The following EXOC6 variants were observed in gnomAD, a reference collection of about 807,000 sequenced individuals.
EXOC6 encodes the protein exocyst complex component 6, also known as SEC15-like 1.
In EXOC6, 60 loss-of-function variants were observed where a neutral mutation model predicts 112.5. That is an observed-to-expected ratio of 0.53 (90% CI 0.43 to 0.66). The LOEUF is 0.66. EXOC6 is among the 30% of genes least tolerant of loss of function. The pLI is 0.00. For synonymous variants in EXOC6, 295 were observed against 308.0 expected (o/e 0.96, Z 0.44); for missense variants, 855 against 957.1 (o/e 0.89, Z 1.41).
intron 18 of EXOC6, among the ~76,000 whole-genome samples, chr10:92,993,814 C>T (rs1189553753): frequency 6.6e-6 from 1 of 152,134 alleles, no homozygotes; most frequent in Non-Finnish European, 1.5e-5. Context: ...TTTATTGTTC[C>T]TGTGATTGGC....
chr10:92,917,766 C>T (rs1483911390), intron 7 of EXOC6, among the ~76,000 whole-genome samples: 11 of 152,248 alleles, frequency 7.2e-5, no homozygotes, highest in Non-Finnish European at 5.9e-5. Context: ...CTCAGATTAT[C>T]TTAGCCTCAA....
At chr10:92,987,758 T>C (rs1232172979) in intron 18 of EXOC6, 1 of 407,022 alleles carries the variant, frequency 2.5e-6, no homozygotes. Context: ...GGCAACATCC[T>C]TGATAAATTT....
Position 93,058,214 on chromosome 10 carries a change from T to C in EXOC6, c.2283-9T>C. On this transcript the variant is annotated splice_polypyrimidine_tract_variant and intron_variant, in intron 21 of 21. Coordinates refer to ENST00000260762, the MANE Select transcript of EXOC6 (RefSeq NM_019053.6). ...TTTACCAAGCTTCTTCATTCACATA[T>C]GTTTCTAGGATGAAGGATACTAGCA... 6.3e-7 allele frequency: 1 copy of C among 1,596,568 alleles called. No individual in the cohort carries two copies. Among genetic ancestry groups the C allele is most frequent in the East Asian group, 2.3e-5 (1 of 44,284 alleles).
At chr10:92,963,253 G>A (rs1168446489) in intron 17 of EXOC6, among the ~76,000 whole-genome samples, 2 of 152,190 alleles carry the variant, frequency 1.3e-5, no homozygotes, top group Non-Finnish European at 2.9e-5. Flanking sequence ...TCTAGAAGCA[G>A]TTAGTGTCAG....
At chr10:93,024,204 T>A (rs1364443282) in intron 20 of EXOC6, among the ~76,000 whole-genome samples, 1 of 152,200 alleles carries the variant, frequency 6.6e-6, no homozygotes, top group Admixed American at 6.5e-5. Flanking sequence ...TGGAGAAGTT[T>A]AGGTAGGTCA....
At chr10:92,978,219 G>T (rs573448690) in intron 18 of EXOC6, among the ~76,000 whole-genome samples, 1 of 152,256 alleles carries the variant, frequency 6.6e-6, no homozygotes, top group South Asian at 2.1e-4. Context: ...AGACTAGTCT[G>T]GGCAACATGG....
At chr10:93,031,497 TTTTTCTTTCTTTC>T (rs1590074821) in intron 20 of EXOC6, among the ~76,000 whole-genome samples, 1 of 127,470 alleles carries the variant, frequency 7.8e-6, no homozygotes, top group East Asian at 5.9e-4. Flanking sequence ...TTTCTTTTCT[TTTTTCTTTCTTTC>T]TTTTTTTTTT....
chr10:92,857,052 T>G (rs2133656520), intron 1 of EXOC6, among the ~76,000 whole-genome samples: 2 of 152,274 alleles, frequency 1.3e-5, no homozygotes, highest in Middle Eastern at 6.8e-3. Context: ...CTTATTTTTA[T>G]CCAATTTGAG....
intron 18 of EXOC6, among the ~76,000 whole-genome samples, chr10:92,989,691 T>C (rs1182666441): frequency 2.0e-5 from 3 of 152,208 alleles, no homozygotes; most frequent in Non-Finnish European, 2.9e-5. Flanking sequence ...TTAAGCTTGC[T>C]AACAGACTTC....
chr10:92,960,211 T>C (rs187825451), intron 17 of EXOC6, among the ~76,000 whole-genome samples: 2 of 152,264 alleles, frequency 1.3e-5, no homozygotes, highest in East Asian at 3.9e-4. Flanking sequence ...GCCATTGATA[T>C]AGAGGAAACT....
chr10:93,028,895 G>T (rs1778771605), intron 20 of EXOC6, among the ~76,000 whole-genome samples: 1 of 151,968 alleles, frequency 6.6e-6, no homozygotes, highest in South Asian at 2.1e-4. Context: ...TAAAGAAGTG[G>T]CAGAATTTGA....
intron 2 of EXOC6, among the ~76,000 whole-genome samples, 175 bp from the exon 3 acceptor site, chr10:92,894,619 G>C (rs1437104470): frequency 6.6e-6 from 1 of 152,132 alleles, no homozygotes; most frequent in African/African-American, 2.4e-5. Context: ...AGTAATTGAA[G>C]TTAACAAAAG....
In EXOC6 at chr10:93,058,474, C is replaced by T; in HGVS notation, c.*119C>T. Reference sequence around the variant, plus strand: ...ATCCAAAAATACAATAGAGAAGATACATGAGGGCTTAAACAAGAAATAGTA... The same window carrying T: ...ATCCAAAAATACAATAGAGAAGATATATGAGGGCTTAAACAAGAAATAGTA... On this transcript the variant is annotated 3_prime_UTR_variant, in exon 22 of 22. Coordinates refer to ENST00000260762, the MANE Select transcript of EXOC6 (RefSeq NM_019053.6). The T allele has an allele frequency of 1.4e-6, 1 of 700,722 alleles. No homozygotes were observed. Among genetic ancestry groups the T allele is most frequent in the East Asian group, 3.2e-5 (1 of 31,362 alleles). The allele number at this position is 700,722 out of a possible 1,614,324, so 43.4% of individuals were successfully genotyped here. A position where few individuals can be genotyped will look rare whatever the true frequency, so the allele number is the denominator to read the frequency against.
In EXOC6 at chr10:93,056,905, T is replaced by C. The variant is rs1846568025; in HGVS notation, c.2170-19T>C. ...TAAATAATCAAAAGTTGATTTAACA[T>C]TTCCCCCATCTTTCGCAGCTCCTTG... On this transcript the variant is annotated intron_variant, in intron 20 of 21. Transcript: ENST00000260762. 7.2e-7 allele frequency: 1 copy of C among 1,385,666 alleles called. No individual in the cohort carries two copies. The highest frequency in any genetic ancestry group is 1.4e-5 in the African/African-American group (1 of 69,846). The allele number at this position is 1,385,666 out of a possible 1,614,324, so 85.8% of individuals were successfully genotyped here.
intron 1 of EXOC6, among the ~76,000 whole-genome samples, chr10:92,874,228 A>G (rs766871959): frequency 3.9e-5 from 6 of 152,242 alleles, no homozygotes; most frequent in Admixed American, 2.0e-4. Flanking sequence ...TCAGTTTTTT[A>G]CTTAGCAGTA....
chr10:92,951,978 C>T (rs1853444603), intron 14 of EXOC6, among the ~76,000 whole-genome samples: 1 of 152,178 alleles, frequency 6.6e-6, no homozygotes, highest in Admixed American at 6.5e-5. Flanking sequence ...GCATTGCCTA[C>T]AGACAGAATA....
At chr10:92,906,916 A>G (rs1850474219) in intron 5 of EXOC6, among the ~76,000 whole-genome samples, 1 of 152,154 alleles carries the variant, frequency 6.6e-6, no homozygotes, top group South Asian at 2.1e-4. Flanking sequence ...TAAAAACAAC[A>G]TTATGTGTAT....
intron 20 of EXOC6, among the ~76,000 whole-genome samples, chr10:93,023,917 AC>A (rs79117755): frequency 0.29 from 44,429 of 151,982 alleles, 7,415 homozygotes; most frequent in East Asian, 0.78. Context: ...ATGAGGTGTC[AC>A]ATATAACTGA....
chr10:92,848,664 C>G (rs1346664427), intron 1 of EXOC6, 30 bp downstream of exon 1: 1 of 1,314,452 alleles, frequency 7.6e-7, no homozygotes, highest in East Asian at 4.4e-5. Context: ...GGGACTTCGG[C>G]CCCCCGCCCC....
Sources: gnomAD v4.1 joint callset for allele counts (sites outside exome capture counted in the v4.1 genomes callset) on GRCh38, gnomAD v4.1.1 for gene constraint, MANE v1.5 for transcripts, NCBI Gene and HGNC (gene_info 2026-07-23, HGNC 2026-07-21) for gene names.